The following EIF3L variants were observed in gnomAD, a reference collection of about 807,000 sequenced individuals.
EIF3L encodes the protein eIEF associated protein HSPC021.
EIF3L carries 32 observed loss-of-function variants against 74.6 expected under a neutral mutation model. The ratio of observed to expected loss-of-function variants is 0.43; its 90% CI spans 0.32 to 0.58. The LOEUF (loss-of-function observed/expected upper bound fraction) is 0.58. Ranked by LOEUF, EIF3L falls within the 20% of genes least tolerant of loss-of-function variation. The pLI, the probability that EIF3L is intolerant of heterozygous loss-of-function variation, is 0.06. For missense variants in EIF3L, 474 were observed against 707.8 expected, an observed-to-expected ratio of 0.67 and a Z score of 3.75; for synonymous variants, 256 against 254.4, an observed-to-expected ratio of 1.01 and a Z score of -0.06.
At chr22:37,878,470 G>GT (rs1390230598) in intron 11 of EIF3L, 2,435 of 201,502 alleles carry the variant, frequency 0.012, 37 homozygotes, top group Admixed American at 0.058. Flanking sequence ...TTTTGTTTTG[G>GT]TTTTTTTTTT....
At position 37,851,492 on chromosome 22, in the gene EIF3L, T is replaced by G; in HGVS notation, c.293+2T>G. ...GATCCAGGACATCTATGAGAACAGG[T>G]ATGGGCTACTGGCTGAAAGGGCCTC... is the stretch of plus-strand genomic sequence containing the variant. On this transcript the variant is annotated splice_donor_variant, in intron 3 of 12. Coordinates refer to ENST00000652021, the MANE Select transcript of EIF3L (RefSeq NM_016091.4). LOFTEE classifies it high-confidence loss of function. 6.2e-7 allele frequency: 1 copy of G among 1,609,912 alleles called. No homozygotes were observed. The highest frequency in any genetic ancestry group is 8.5e-7 in the Non-Finnish European group (1 of 1,178,348).
intron 4 of EIF3L, among the ~76,000 whole-genome samples, chr22:37,857,987 T>C (rs890973752): frequency 6.6e-6 from 1 of 151,856 alleles, no homozygotes; most frequent in African/African-American, 2.4e-5. Context: ...CTGAGCAACA[T>C]AGGGAGACCC....
At chr22:37,853,932 T>G (rs1382294253) in intron 3 of EIF3L, among the ~76,000 whole-genome samples, 1 of 152,274 alleles carries the variant, frequency 6.6e-6, no homozygotes, top group Non-Finnish European at 1.5e-5. Flanking sequence ...AGTGTTGGTT[T>G]TTAAACTTAA....
At chr22:37,882,521 T>A (rs1020610814) in intron 11 of EIF3L, 1 of 149,152 alleles carries the variant, frequency 6.7e-6, no homozygotes, top group Non-Finnish European at 1.5e-5. Context: ...TAAAAATATT[T>A]AAAAAATTAG....
chr22:37,873,034 G>A (rs1035181608), intron 8 of EIF3L, among the ~76,000 whole-genome samples: 1 of 151,840 alleles, frequency 6.6e-6, no homozygotes, highest in Admixed American at 6.6e-5. Flanking sequence ...TGTAGCCCAG[G>A]CTTGAGTGCA....
At position 37,888,498 on chromosome 22, in the gene EIF3L, T is replaced by A. The variant is rs754415181; in HGVS notation, c.*34T>A. ...ACACACATTCAGGAACCTGTTTTGA[T>A]GTATTATAGGCAGGAAGTGTTTTTG... On this transcript the variant is annotated 3_prime_UTR_variant, in exon 13 of 13. Transcript: ENST00000652021. 6.2e-7 allele frequency: 1 copy of A among 1,610,476 alleles called. No homozygotes were observed. Among genetic ancestry groups the A allele is most frequent in the South Asian group, 1.1e-5 (1 of 90,928 alleles).
intron 5 of EIF3L, among the ~76,000 whole-genome samples, chr22:37,859,892 A>G (rs1035616933): frequency 4.0e-4 from 61 of 152,014 alleles, no homozygotes; most frequent in Non-Finnish European, 1.6e-4. Context: ...GGTGCCTGTA[A>G]TCCCAGCTAC....
rs763171909 is a variant in EIF3L, at chr22:37,888,816, C to T, written c.*352C>T. 3 of 232,068 alleles carry T rather than the reference C, an allele frequency of 1.3e-5. No individual in the cohort carries two copies. Among genetic ancestry groups the T allele is most frequent in the Non-Finnish European group, 2.5e-5 (3 of 118,828 alleles). 14.4% of individuals were successfully genotyped at this position (232,068 alleles called of 1,614,324 possible). ...GGAGTGCAGTAGCGTGATCTCAGTTCGTTGCATCCTCCGCTGCCCAGGTTC... is the reference window on the plus strand; with the variant it reads ...GGAGTGCAGTAGCGTGATCTCAGTTTGTTGCATCCTCCGCTGCCCAGGTTC... On this transcript the variant is annotated 3_prime_UTR_variant, in exon 13 of 13. Transcript: ENST00000652021.
At position 37,888,510 on chromosome 22, in the gene EIF3L, A is replaced by AG; in HGVS notation, c.*48dup. On this transcript the variant is annotated 3_prime_UTR_variant, in exon 13 of 13. Transcript: ENST00000652021. ...GAACCTGTTTTGATGTATTATAGGC[A>AG]GGAAGTGTTTTTGCTACCGTGAAAC... The AG allele has an allele frequency of 2.5e-6, 4 of 1,603,284 alleles. No individual in the cohort carries two copies. Among genetic ancestry groups the AG allele is most frequent in the Non-Finnish European group, 3.4e-6 (4 of 1,172,686 alleles).
At chr22:37,851,158 C>A in intron 2 of EIF3L, 122 bp from the exon 3 acceptor site, 1 of 691,762 alleles carries the variant, frequency 1.4e-6, no homozygotes, top group Non-Finnish European at 2.5e-6. Context: ...GTTTGTATCT[C>A]TGAGTATTCA....
rs79343110 is a variant in EIF3L at position 37,870,481 on chromosome 22, G to T, written c.751+134G>T. 1,352 of 845,312 alleles carry T rather than the reference G, an allele frequency of 1.6e-3. 22 individuals carry two copies. The African/African-American group carries it at 0.021, about 13-fold the overall frequency. The allele number at this position is 845,312 out of a possible 1,614,324, so 52.4% of individuals were successfully genotyped here. A position where few individuals can be genotyped will look rare whatever the true frequency, so the allele number is the denominator to read the frequency against. On this transcript the variant is annotated intron_variant, in intron 8 of 12. Coordinates refer to ENST00000652021, the MANE Select transcript of EIF3L (RefSeq NM_016091.4). Reference sequence around the variant, plus strand: ...GTGGTGGTCTGTTGACTCTTTGTAGGTGCTTGAGTACAAACAGTAGCAGAG... The same window carrying T: ...GTGGTGGTCTGTTGACTCTTTGTAGTTGCTTGAGTACAAACAGTAGCAGAG...
chr22:37,855,800 G>A (rs1925472424), intron 4 of EIF3L, among the ~76,000 whole-genome samples, 156 bp downstream of exon 4: 1 of 152,104 alleles, frequency 6.6e-6, no homozygotes, highest in Non-Finnish European at 1.5e-5. Flanking sequence ...ACTTGTCGAA[G>A]GCTGGATGAT....
chr22:37,883,669 T>C (rs1232134658), intron 11 of EIF3L: 1 of 152,092 alleles, frequency 6.6e-6, no homozygotes, highest in Admixed American at 6.6e-5. Flanking sequence ...ATCCCAGCAC[T>C]TTGGGAGGCC....
intron 2 of EIF3L, 149 bp from the exon 3 acceptor site, chr22:37,851,131 T>C: frequency 1.6e-6 from 1 of 620,488 alleles, no homozygotes; most frequent in Non-Finnish European, 2.8e-6. Flanking sequence ...ACAACGAGAT[T>C]GGGAGTGACT....
intron 11 of EIF3L, chr22:37,883,635 C>T (rs565072441): frequency 6.6e-6 from 1 of 150,896 alleles, no homozygotes; most frequent in African/African-American, 2.4e-5. Flanking sequence ...GCAATTTGGC[C>T]AGGTGTGATG....
chr22:37,858,489 G>A, intron 4 of EIF3L, 190 bp from the exon 5 acceptor site: 1 of 643,598 alleles, frequency 1.6e-6, no homozygotes, highest in South Asian at 2.0e-5. Flanking sequence ...CTCATCGACA[G>A]AGATTGAGGT....
chr22:37,853,787 G>A (rs1925355011), intron 3 of EIF3L, among the ~76,000 whole-genome samples: 1 of 151,986 alleles, frequency 6.6e-6, no homozygotes, highest in Non-Finnish European at 1.5e-5. Context: ...TAAATCCAGT[G>A]TGTATCAGAA....
At position 37,851,208 on chromosome 22, in the gene EIF3L, T is replaced by A. The variant is rs1188506120; in HGVS notation, c.83-72T>A. ...GCAGACCTGAGTTTAGTTTCTGGGG[T>A]GGTCTTGCCATTTCGTTCTATCATA... On this transcript the variant is annotated intron_variant, in intron 2 of 12. Coordinates refer to ENST00000652021, the MANE Select transcript of EIF3L (RefSeq NM_016091.4). 4.7e-6 allele frequency: 6 copies of A among 1,289,754 alleles called. No individual in the cohort carries two copies. In the East Asian group the frequency reaches 1.4e-4, roughly 30 times the overall value. The allele number at this position is 1,289,754 out of a possible 1,614,324, so 79.9% of individuals were successfully genotyped here. A position where few individuals can be genotyped will look rare whatever the true frequency, so the allele number is the denominator to read the frequency against.
intron 6 of EIF3L, 65 bp downstream of exon 6, chr22:37,863,103 C>CTTTTTT: frequency 9.8e-7 from 1 of 1,025,576 alleles, no homozygotes; most frequent in Non-Finnish European, 1.4e-6. Context: ...TGGCCTCCAG[C>CTTTTTT]TTTTTTTTTT....
Sources: gnomAD v4.1 joint callset for allele counts (sites outside exome capture counted in the v4.1 genomes callset) on GRCh38, gnomAD v4.1.1 for gene constraint, MANE v1.5 for transcripts, NCBI Gene and HGNC (gene_info 2026-07-23, HGNC 2026-07-21) for gene names.